Variants in THEMIS observed in about 807,000 individuals in gnomAD.
THEMIS encodes the protein protein THEMIS.
A neutral mutation model predicts 52.6 loss-of-function variants in THEMIS; 37 were observed. The observed-to-expected ratio is 0.70, with a 90% confidence interval of 0.54 to 0.93. The LOEUF (loss-of-function observed/expected upper bound fraction) is 0.93. THEMIS is among the 40% of genes least tolerant of loss of function. THEMIS has a pLI of 0.00. For missense variants in THEMIS, 808 were observed against 763.1 expected (o/e 1.06, Z -0.69); for synonymous variants, 292 against 272.7 (o/e 1.07, Z -0.70).
At chr6:127,842,064 C>T (rs7767516) in intron 2 of THEMIS, among the ~76,000 whole-genome samples, 2,860 of 151,990 alleles carry the variant, frequency 0.019, 99 homozygotes, top group African/African-American at 0.066. Flanking sequence ...GACTTACATT[C>T]CTTGCTTCTT....
intron 4 of THEMIS, among the ~76,000 whole-genome samples, chr6:127,807,845 A>C (rs1226920731): frequency 6.6e-6 from 1 of 152,190 alleles, no homozygotes; most frequent in African/African-American, 2.4e-5. Context: ...GGATTTCTCT[A>C]ACACATTTCA....
At chr6:127,710,930 C>T (rs1773955003) in intron 5 of THEMIS, among the ~76,000 whole-genome samples, 1 of 150,626 alleles carries the variant, frequency 6.6e-6, no homozygotes, top group Non-Finnish European at 1.5e-5. Context: ...TAACTGCCTG[C>T]CTCCCTCCCT....
chr6:127,860,916 T>G (rs954571177), intron 1 of THEMIS, among the ~76,000 whole-genome samples: 19 of 152,300 alleles, frequency 1.2e-4, no homozygotes, highest in Non-Finnish European at 2.2e-4. Context: ...GTGGTTGTCA[T>G]GATAGAAGTC....
intron 3 of THEMIS, among the ~76,000 whole-genome samples, chr6:127,822,073 A>T (rs1289796162): frequency 6.6e-6 from 1 of 151,884 alleles, no homozygotes; most frequent in Admixed American, 6.6e-5. Flanking sequence ...AATCTTTGTC[A>T]TTTACTTTCT....
chr6:127,793,898 T>A (rs1777241911), intron 4 of THEMIS, among the ~76,000 whole-genome samples: 2 of 152,284 alleles, frequency 1.3e-5, no homozygotes, highest in South Asian at 4.1e-4. Context: ...AACCATATTC[T>A]CCAAATTTCC....
chr6:127,879,156 T>C (rs1780402175), intron 1 of THEMIS, among the ~76,000 whole-genome samples: 2 of 152,240 alleles, frequency 1.3e-5, no homozygotes, highest in South Asian at 4.1e-4. Context: ...CTCTGAGGTA[T>C]ATTACATGAA....
At chr6:127,827,245 C>T (rs1778539255) in intron 3 of THEMIS, among the ~76,000 whole-genome samples, 1 of 152,058 alleles carries the variant, frequency 6.6e-6, no homozygotes, top group Non-Finnish European at 1.5e-5. Flanking sequence ...ATATGCAGGG[C>T]AAAAATGCCT....
chr6:127,798,799 G>A (rs1777420482), intron 4 of THEMIS, among the ~76,000 whole-genome samples: 1 of 151,826 alleles, frequency 6.6e-6, no homozygotes, highest in African/African-American at 2.4e-5. Context: ...GACCATCCTG[G>A]CTAAAACGGT....
intron 4 of THEMIS, among the ~76,000 whole-genome samples, chr6:127,750,706 A>G (rs891973792): frequency 2.0e-5 from 3 of 151,836 alleles, no homozygotes; most frequent in Admixed American, 6.6e-5. Context: ...TGAGAACATT[A>G]AAGTAGAATA....
intron 4 of THEMIS, among the ~76,000 whole-genome samples, chr6:127,742,539 G>A (rs779995708): frequency 6.6e-6 from 1 of 151,930 alleles, no homozygotes; most frequent in African/African-American, 2.4e-5. Flanking sequence ...ATGGATGAAT[G>A]GATAAACAAA....
intron 4 of THEMIS, among the ~76,000 whole-genome samples, chr6:127,804,451 C>T (rs1041312807): frequency 1.3e-5 from 2 of 152,098 alleles, no homozygotes; most frequent in South Asian, 2.1e-4. Flanking sequence ...TCTCATGGAG[C>T]AATGTGGAAG....
At chr6:127,837,802 T>A (rs1192450346) in intron 2 of THEMIS, among the ~76,000 whole-genome samples, 2 of 152,094 alleles carry the variant, frequency 1.3e-5, no homozygotes, top group Admixed American at 1.3e-4. Flanking sequence ...CTATAGACAC[T>A]TCATTTGACT....
At chr6:127,726,648 G>A (rs1774557554) in intron 4 of THEMIS, among the ~76,000 whole-genome samples, 3 of 152,084 alleles carry the variant, frequency 2.0e-5, no homozygotes, top group Non-Finnish European at 4.4e-5. Flanking sequence ...ATATCTAGAA[G>A]TCCCACCATC....
intron 1 of THEMIS, among the ~76,000 whole-genome samples, chr6:127,857,911 G>A (rs765407015): frequency 6.6e-6 from 1 of 152,040 alleles, no homozygotes; most frequent in Non-Finnish European, 1.5e-5. Context: ...GTTATAAGTG[G>A]AGAGAGGGAA....
intron 4 of THEMIS, among the ~76,000 whole-genome samples, chr6:127,806,174 A>C (rs1195188032): frequency 6.6e-6 from 1 of 152,204 alleles, no homozygotes; most frequent in Non-Finnish European, 1.5e-5. Context: ...AGGAATTTCC[A>C]TGTAGTGGAC....
intron 5 of THEMIS, among the ~76,000 whole-genome samples, chr6:127,710,633 A>T (rs1773943403): frequency 6.6e-6 from 1 of 152,066 alleles, no homozygotes; most frequent in Admixed American, 6.6e-5. Context: ...TTGAGACAAC[A>T]TCATGTCAGA....
chr6:127,698,151 T>C, the THEMIS span, among the ~76,000 whole-genome samples: 2 of 152,174 alleles, frequency 1.3e-5, no homozygotes, highest in African/African-American at 2.4e-5. Context: ...ATGGTTGTTA[T>C]TGATAACTTG....
intron 4 of THEMIS, among the ~76,000 whole-genome samples, chr6:127,767,571 C>T (rs1383651369): frequency 6.6e-6 from 1 of 152,130 alleles, no homozygotes; most frequent in Non-Finnish European, 1.5e-5. Context: ...CACTGGACTT[C>T]AGGGGTAGTG....
chr6:127,915,252 G>A (rs1424365125), intron 1 of THEMIS, among the ~76,000 whole-genome samples: 1 of 121,120 alleles, frequency 8.3e-6, no homozygotes, highest in African/African-American at 2.9e-5. Flanking sequence ...TCATTTTGTT[G>A]TTGTTTGTTT....
Sources: gnomAD v4.1 joint callset for allele counts (sites outside exome capture counted in the v4.1 genomes callset) on GRCh38, gnomAD v4.1.1 for gene constraint, MANE v1.5 for transcripts, NCBI Gene and HGNC (gene_info 2026-07-23, HGNC 2026-07-21) for gene names.